Variants in GRIN3A observed in about 807,000 individuals in gnomAD.
GRIN3A encodes glutamate receptor ionotropic, NMDA 3A.
A neutral mutation model predicts 92.4 loss-of-function variants in GRIN3A; 47 were observed. That is an observed-to-expected ratio of 0.51 (90% CI 0.40 to 0.65). The LOEUF (loss-of-function observed/expected upper bound fraction) is 0.65. GRIN3A is among the 30% of genes least tolerant of loss of function. The pLI is 0.00. For missense variants in GRIN3A, 1,324 were observed against 1,393.1 expected (o/e 0.95, Z 0.79); for synonymous variants, 527 against 540.6 (o/e 0.97, Z 0.35).
chr9:101,725,802 G>A (rs142336041), intron 1 of GRIN3A, among the ~76,000 whole-genome samples: 383 of 152,080 alleles, frequency 2.5e-3, no homozygotes, highest in African/African-American at 8.7e-3. Flanking sequence ...TTTTATGTTG[G>A]CCTGGCTTGC....
intron 3 of GRIN3A, among the ~76,000 whole-genome samples, chr9:101,638,303 G>A (rs1401644791): frequency 6.6e-6 from 1 of 152,194 alleles, no homozygotes; most frequent in Non-Finnish European, 1.5e-5. Flanking sequence ...CTATTCTGCT[G>A]CAAAGGTTCT....
chr9:101,662,978 G>C (rs927070239), intron 3 of GRIN3A, among the ~76,000 whole-genome samples: 1 of 151,888 alleles, frequency 6.6e-6, no homozygotes, highest in South Asian at 2.1e-4. Context: ...CTTCTTCTGA[G>C]AAATGGTTTA....
At chr9:101,628,136 C>T (rs553353540) in intron 4 of GRIN3A, 120 bp downstream of exon 4, 59 of 905,988 alleles carry the variant, frequency 6.5e-5, no homozygotes, top group Middle Eastern at 4.6e-4. Context: ...TAAAGTATTA[C>T]TTAACACAAC....
At chr9:101,729,716 C>G (rs375348684) in intron 1 of GRIN3A, among the ~76,000 whole-genome samples, 1 of 152,136 alleles carries the variant, frequency 6.6e-6, no homozygotes, top group Non-Finnish European at 1.5e-5. Flanking sequence ...GTACTCAGCC[C>G]TACCACACCA....
intron 5 of GRIN3A, among the ~76,000 whole-genome samples, chr9:101,620,462 C>T (rs1828534900): frequency 6.6e-6 from 1 of 152,172 alleles, no homozygotes; most frequent in Non-Finnish European, 1.5e-5. Context: ...CACTGAGTGT[C>T]ACACATAGAG....
intron 3 of GRIN3A, among the ~76,000 whole-genome samples, chr9:101,653,778 A>G (rs370070395): frequency 2.0e-5 from 3 of 151,836 alleles, no homozygotes; most frequent in East Asian, 3.9e-4. Flanking sequence ...TCTTGTATCT[A>G]TTTTCCATTT....
chr9:101,734,387 T>C (rs969383351), intron 1 of GRIN3A, among the ~76,000 whole-genome samples: 15 of 152,218 alleles, frequency 9.9e-5, no homozygotes, highest in African/African-American at 3.4e-4. Flanking sequence ...CAGAATTCTT[T>C]TGATGGAAAA....
intron 6 of GRIN3A, among the ~76,000 whole-genome samples, chr9:101,606,950 A>G (rs1010292585): frequency 2.4e-5 from 2 of 84,306 alleles, no homozygotes; most frequent in African/African-American, 1.1e-4. Context: ...AAAGAAAACA[A>G]AGGAAATTTA....
At chr9:101,615,461 A>T (rs910359336) in intron 5 of GRIN3A, among the ~76,000 whole-genome samples, 1 of 135,768 alleles carries the variant, frequency 7.4e-6, no homozygotes. Flanking sequence ...GGTTCACGCC[A>T]TTCTCCCGCC....
intron 1 of GRIN3A, among the ~76,000 whole-genome samples, chr9:101,722,904 T>C (rs142357235): frequency 0.037 from 5,608 of 152,158 alleles, 340 homozygotes; most frequent in African/African-American, 0.13. Context: ...CTGAAATGAG[T>C]TAAGACTTTG....
At chr9:101,728,912 T>C (rs1191197707) in intron 1 of GRIN3A, among the ~76,000 whole-genome samples, 1 of 152,198 alleles carries the variant, frequency 6.6e-6, no homozygotes, top group African/African-American at 2.4e-5. Context: ...ATAGCAGTGC[T>C]ACTTTCCCTT....
At chr9:101,632,308 T>C (rs186320736) in intron 3 of GRIN3A, among the ~76,000 whole-genome samples, 37 of 152,212 alleles carry the variant, frequency 2.4e-4, no homozygotes, top group Non-Finnish European at 4.3e-4. Context: ...CTTGGGATTA[T>C]TTTTATAATT....
At chr9:101,645,108 C>G (rs756236698) in intron 3 of GRIN3A, among the ~76,000 whole-genome samples, 11 of 151,930 alleles carry the variant, frequency 7.2e-5, no homozygotes, top group Non-Finnish European at 1.6e-4. Context: ...CTTATTTCTT[C>G]TAACTGTGTT....
chr9:101,634,202 G>A (rs964884164), intron 3 of GRIN3A, among the ~76,000 whole-genome samples: 1 of 151,724 alleles, frequency 6.6e-6, no homozygotes, highest in Non-Finnish European at 1.5e-5. Context: ...GAATGGTGGC[G>A]GGTGCCTGTA....
chr9:101,582,726 A>G (rs1827903845), intron 6 of GRIN3A, among the ~76,000 whole-genome samples: 1 of 152,198 alleles, frequency 6.6e-6, no homozygotes, highest in South Asian at 2.1e-4. Context: ...TTTGGACTGT[A>G]ACATCATCAA....
At chr9:101,706,836 G>A (rs757861082) in intron 1 of GRIN3A, among the ~76,000 whole-genome samples, 15 of 152,172 alleles carry the variant, frequency 9.9e-5, no homozygotes, top group Non-Finnish European at 2.2e-4. Flanking sequence ...TTGCACACAA[G>A]GGAGACGGAG....
intron 1 of GRIN3A, among the ~76,000 whole-genome samples, chr9:101,723,727 A>G (rs1564153026): frequency 6.6e-6 from 1 of 152,062 alleles, no homozygotes; most frequent in Non-Finnish European, 1.5e-5. Context: ...TGTGGACACA[A>G]AGGTTCTCCA....
Position 101,737,387 on chromosome 9 carries a change from G to C in GRIN3A, c.593C>G (p.Ala198Gly), listed in dbSNP as rs766810876. Residue 198 changes from alanine to glycine, a missense_variant, in exon 1 of 9, where the codon GCC becomes GGC. Coordinates refer to ENST00000361820, the MANE Select transcript of GRIN3A (RefSeq NM_133445.3). ...VVVQGVSALL[A>G]FPQSQGEMME... is the part of the protein sequence containing the mutation. ...CATTTCGCCCTGGCTCTGGGGGAAG[G>C]CGAGCAGCGCCGACACCCCTTGCAC... The C allele has an allele frequency of 6.2e-7, 1 of 1,614,238 alleles. No homozygotes were observed. The highest frequency in any genetic ancestry group is 8.5e-7 in the Non-Finnish European group (1 of 1,180,038).
At chr9:101,584,482 T>C (rs1435471367) in intron 6 of GRIN3A, among the ~76,000 whole-genome samples, 1 of 152,272 alleles carries the variant, frequency 6.6e-6, no homozygotes, top group Admixed American at 6.5e-5. Flanking sequence ...AAATGCTTTA[T>C]GTTATGCAGA....
Sources: gnomAD v4.1 joint callset for allele counts (sites outside exome capture counted in the v4.1 genomes callset) on GRCh38, gnomAD v4.1.1 for gene constraint, MANE v1.5 for transcripts, NCBI Gene and HGNC (gene_info 2026-07-23, HGNC 2026-07-21) for gene names.